The following LY75 variants were observed in gnomAD, a reference collection of about 807,000 sequenced individuals.
LY75 encodes the protein C-type lectin domain family 13 member B.
In LY75, 185 loss-of-function variants were observed where a neutral mutation model predicts 231.7. The ratio of observed to expected loss-of-function variants is 0.80; its 90% CI spans 0.71 to 0.90. LY75 has a LOEUF of 0.90. LY75 is among the 40% of genes least tolerant of loss of function. The pLI, the probability that LY75 is intolerant of heterozygous loss-of-function variation, is 0.00. For missense variants in LY75, 1,947 were observed against 2,050.2 expected (o/e 0.95, Z 0.97); for synonymous variants, 668 against 689.0 (o/e 0.97, Z 0.48).
In LY75 at chr2:159,890,346, G is replaced by A. The variant is rs142742205; in HGVS notation, c.669C>T (p.Asn223=). 40 of 1,613,184 alleles carry A rather than the reference G, an allele frequency of 2.5e-5. No homozygotes were observed. Among genetic ancestry groups the A allele is most frequent in the South Asian group, 7.7e-5 (7 of 91,028 alleles). ...ATTGGTAGCAACTTCCAAACTGCTC[G>A]TTCTTTTCCCAATTATCTTCACAAC... is the stretch of plus-strand genomic sequence containing the variant. ...ENGCEDNWEK[N]EQFGSCYQFN... The change falls in exon 4 of 35, where the codon AAC becomes AAT. Residue 223 remains asparagine (N), a synonymous_variant. Transcript: ENST00000263636.
At position 159,886,611 on chromosome 2, in the gene LY75, A is replaced by C. The variant is rs1427441747; in HGVS notation, c.803-81T>G. On this transcript the variant is annotated intron_variant, in intron 4 of 34. Coordinates refer to ENST00000263636, the MANE Select transcript of LY75 (RefSeq NM_002349.4). ...AATTAGACTTATTCTACTAATAACA[A>C]ACAAATCTGCAGACCTTGATTGTAA... The C allele has an allele frequency of 7.3e-6, 10 of 1,375,496 alleles. No individual in the cohort carries two copies. In the East Asian group the frequency reaches 2.5e-4, roughly 35 times the overall value. 85.2% of individuals were successfully genotyped at this position (1,375,496 alleles called of 1,614,324 possible).
intron 6 of LY75, among the ~76,000 whole-genome samples, chr2:159,882,652 G>C (rs536019563): frequency 6.6e-6 from 1 of 152,148 alleles, no homozygotes; most frequent in Non-Finnish European, 1.5e-5. Flanking sequence ...GTCATTTTCT[G>C]ACAAATTTTT....
intron 29 of LY75, among the ~76,000 whole-genome samples, chr2:159,817,989 C>T (rs1433449438): frequency 6.6e-6 from 1 of 152,028 alleles, no homozygotes; most frequent in Admixed American, 6.5e-5. Context: ...GCAGAGGTTG[C>T]AGTGAGCTGA....
At chr2:159,865,770 T>G (rs1472828738) in intron 13 of LY75, among the ~76,000 whole-genome samples, 3 of 152,152 alleles carry the variant, frequency 2.0e-5, no homozygotes, top group African/African-American at 7.2e-5. Flanking sequence ...ATGATCTGAA[T>G]GCCAGTATTC....
chr2:159,819,935 T>TA lies in LY75; in HGVS notation c.3959-16_3959-15insT. On this transcript the variant is annotated splice_polypyrimidine_tract_variant and intron_variant, in intron 28 of 34. Transcript: ENST00000263636. ...AAGAGACTTATCTAGAGAAGAAACATTTTTTCCTATGCTTAGAGATTAAAT... is the reference window on the plus strand; with the variant it reads ...AAGAGACTTATCTAGAGAAGAAACATATTTTTCCTATGCTTAGAGATTAAAT... 1 of 1,432,428 alleles carries TA rather than the reference T, an allele frequency of 7.0e-7. No individual in the cohort carries two copies. The highest frequency in any genetic ancestry group is 9.1e-7 in the Non-Finnish European group (1 of 1,100,992). The allele number at this position is 1,432,428 out of a possible 1,614,324, so 88.7% of individuals were successfully genotyped here. A position where few individuals can be genotyped will look rare whatever the true frequency, so the allele number is the denominator to read the frequency against.
At chr2:159,878,800 T>C (rs1685349712) in intron 9 of LY75, 79 bp from the exon 10 acceptor site, 3 of 1,478,298 alleles carry the variant, frequency 2.0e-6, no homozygotes, top group Non-Finnish European at 2.8e-6. Context: ...TTCTGCTACA[T>C]TGATAACGTC....
Position 159,815,410 on chromosome 2 carries a change from G to T in LY75, c.4544C>A (p.Thr1515Lys), listed in dbSNP as rs762921805. The T allele has an allele frequency of 3.0e-5, 47 of 1,590,432 alleles. No individual in the cohort carries two copies. Among genetic ancestry groups the T allele is most frequent in the Admixed American group, 3.8e-5 (2 of 52,550 alleles). Residue 1515 changes from threonine to lysine, a missense_variant, in exon 31 of 35, where the codon ACA (threonine) becomes AAA (lysine). Thr to Lys is a moderately conservative substitution (Grantham distance 78). Coordinates refer to ENST00000263636, the MANE Select transcript of LY75 (RefSeq NM_002349.4). ...TACTGAAATTGAAGTCTTACATTTT[G>T]TAGGTTTATAACAAATAGCACCATC... Reference protein sequence around the residue: ...VKDGAICYKPTKSKKLSRLTY... With the variant: ...VKDGAICYKPKKSKKLSRLTY...
rs1387277059 is a variant in LY75, at chr2:159,904,599, A to G, written c.84T>C (p.Ser28=). The G allele has an allele frequency of 6.6e-7, 1 of 1,509,584 alleles. No homozygotes were observed. The highest frequency in any genetic ancestry group is 8.8e-7 in the Non-Finnish European group (1 of 1,132,596). 93.5% of individuals were successfully genotyped at this position (1,509,584 alleles called of 1,614,324 possible). Reference sequence around the variant, plus strand: ...CGTGCCCGCGGTTACCTGCGCGGCCAGAGGGCTCCGCGAGATCGAAGAACC... The same window carrying G: ...CGTGCCCGCGGTTACCTGCGCGGCCGGAGGGCTCCGCGAGATCGAAGAACC... ...LFWFFDLAEP[S]GRAANDPFTI... is the part of the protein sequence containing the mutation. The change falls in exon 1 of 35, where the codon TCT becomes TCC. Residue 28 remains serine (S), a synonymous_variant. Transcript: ENST00000263636.
intron 34 of LY75, 78 bp from the exon 35 acceptor site, chr2:159,805,300 G>T (rs1682760349): frequency 9.5e-7 from 1 of 1,053,438 alleles, no homozygotes; most frequent in Non-Finnish European, 1.4e-6. Context: ...TATGGGTTGT[G>T]TCACACATGT....
intron 28 of LY75, among the ~76,000 whole-genome samples, chr2:159,823,989 A>G (rs1170466894): frequency 1.3e-5 from 2 of 152,252 alleles, no homozygotes; most frequent in African/African-American, 4.8e-5. Context: ...CAGCCACTGC[A>G]AAACATACCA....
intron 16 of LY75, 92 bp from the exon 17 acceptor site, chr2:159,855,031 G>T: frequency 6.5e-7 from 1 of 1,534,296 alleles, no homozygotes; most frequent in Non-Finnish European, 8.9e-7. Context: ...GAAAGGACTT[G>T]CAGTATTGTT....
chr2:159,882,656 A>T (rs972641209), intron 6 of LY75, among the ~76,000 whole-genome samples: 5 of 152,176 alleles, frequency 3.3e-5, no homozygotes, highest in African/African-American at 1.2e-4. Context: ...TTTTCTGACA[A>T]ATTTTTTCCT....
At position 159,878,359 on chromosome 2, in the gene LY75, G is replaced by A; in HGVS notation, c.1739C>T (p.Ala580Val). ...NWATVGGRRRAVTFSNWNFLE... is the reference protein window; with the variant it reads ...NWATVGGRRRVVTFSNWNFLE... Reference sequence around the variant, plus strand: ...AAAATTCCAGTTGGAAAAGGTTACAGCCCGCCTTCTTCCACCAACAGTTGC... The same window carrying A: ...AAAATTCCAGTTGGAAAAGGTTACAACCCGCCTTCTTCCACCAACAGTTGC... The change falls in exon 11 of 35, where the codon GCT (alanine) becomes GTT (valine). Residue 580 changes from alanine (A) to valine (V), a missense_variant. Ala to Val is a moderately conservative substitution (Grantham distance 64). Coordinates refer to ENST00000263636, the MANE Select transcript of LY75 (RefSeq NM_002349.4). 3 of 1,614,046 alleles carry A rather than the reference G, an allele frequency of 1.9e-6. No individual in the cohort carries two copies. The highest frequency in any genetic ancestry group is 2.2e-5 in the South Asian group (2 of 91,082).
Position 159,853,013 on chromosome 2 carries a change from A to T in LY75, c.2743+260T>A, listed in dbSNP as rs181700743. Among the ~76,000 whole-genome samples the T allele has an allele frequency of 2.6e-5, 4 of 152,296 alleles. No individual in the cohort carries two copies. In the East Asian group the frequency reaches 7.7e-4, roughly 29 times the overall value. On this transcript the variant is annotated intron_variant, in intron 20 of 34. Coordinates refer to ENST00000263636, the MANE Select transcript of LY75 (RefSeq NM_002349.4). ...AACTGCTGCCTGCTTATCTTTGAAA[A>T]TTTGCTTAGACACTTATCAGTTAGG... is the stretch of plus-strand genomic sequence containing the variant.
Position 159,831,708 on chromosome 2 carries a change from T to TA in LY75, c.3919dup (p.Tyr1307LeufsTer13). On this transcript the variant is annotated frameshift_variant, in exon 28 of 35. Transcript: ENST00000263636. LOFTEE classifies it high-confidence loss of function. ...TCCTAACATGACCCATGAAGCCATA[T>TA]AATTGAAGTACAGCAGTTGCTCAAG... 6.2e-7 allele frequency: 1 copy of TA among 1,612,688 alleles called. No homozygotes were observed. Among genetic ancestry groups the TA allele is most frequent in the Non-Finnish European group, 8.5e-7 (1 of 1,179,518 alleles).
At chr2:159,818,141 A>G (rs1421405960) in intron 29 of LY75, among the ~76,000 whole-genome samples, 2 of 152,212 alleles carry the variant, frequency 1.3e-5, no homozygotes, top group Non-Finnish European at 2.9e-5. Context: ...CAAGTAATTT[A>G]TATCGATACT....
chr2:159,898,420 T>C (rs924244505), intron 2 of LY75, among the ~76,000 whole-genome samples: 4 of 146,514 alleles, frequency 2.7e-5, no homozygotes, highest in African/African-American at 9.9e-5. Flanking sequence ...AGTACATATC[T>C]ATCTGATGAA....
chr2:159,865,733 A>C (rs1231853461), intron 13 of LY75, among the ~76,000 whole-genome samples: 1 of 152,208 alleles, frequency 6.6e-6, no homozygotes, highest in African/African-American at 2.4e-5. Context: ...ATATTCTTCA[A>C]GGGATGGCTA....
intron 28 of LY75, among the ~76,000 whole-genome samples, chr2:159,820,362 G>T (rs1484395078): frequency 3.9e-5 from 6 of 152,156 alleles, no homozygotes; most frequent in African/African-American, 1.2e-4. Context: ...GCCATAAAAA[G>T]GAATGAAATA....
Sources: allele counts gnomAD v4.1 joint callset (sites outside exome capture counted in the v4.1 genomes callset), GRCh38; gene constraint gnomAD v4.1.1; transcripts MANE v1.5; gene names NCBI Gene and HGNC (gene_info 2026-07-23, HGNC 2026-07-21).